The following SYNE1 variants were observed in gnomAD, a reference collection of about 807,000 sequenced individuals.
SYNE1 encodes nesprin-1.
A neutral mutation model predicts 1,111.0 loss-of-function variants in SYNE1; 616 were observed. That is an observed-to-expected ratio of 0.55 (90% CI 0.52 to 0.59). The LOEUF is 0.59. Ranked by LOEUF, SYNE1 falls within the 20% of genes least tolerant of loss-of-function variation. SYNE1 has a pLI of 0.00. For missense variants in SYNE1, 10,006 were observed against 10,417.0 expected (o/e 0.96, Z 1.72); for synonymous variants, 3,855 against 3,825.8 (o/e 1.01, Z -0.28).
chr6:152,602,704 G>C (rs949360957), intron 3 of SYNE1, among the ~76,000 whole-genome samples: 25 of 152,098 alleles, frequency 1.6e-4, no homozygotes, highest in Admixed American at 1.4e-3. Context: ...CAGATTTCTT[G>C]TGATCTGAAA....
At chr6:152,499,197 C>G (rs143837978) in intron 10 of SYNE1, among the ~76,000 whole-genome samples, 2 of 151,918 alleles carry the variant, frequency 1.3e-5, no homozygotes, top group Non-Finnish European at 2.9e-5. Flanking sequence ...CTTCTTAGGG[C>G]AGTCAGGAAT....
At chr6:152,198,433 T>C (rs1199668639) in intron 127 of SYNE1, among the ~76,000 whole-genome samples, 1 of 152,222 alleles carries the variant, frequency 6.6e-6, no homozygotes, top group Non-Finnish European at 1.5e-5. Context: ...TTCTCATCCA[T>C]GCATTCACTG....
At chr6:152,435,651 T>C (rs896061788) in intron 33 of SYNE1, 14 of 438,908 alleles carry the variant, frequency 3.2e-5, no homozygotes, top group African/African-American at 2.9e-4. Flanking sequence ...TTTTTCAAGA[T>C]TCCCTCTACA....
chr6:152,157,302 T>C (rs2061566656), intron 131 of SYNE1, among the ~76,000 whole-genome samples: 1 of 152,218 alleles, frequency 6.6e-6, no homozygotes, highest in Admixed American at 6.5e-5. Context: ...GAGGTCACTA[T>C]GTTAAGTGAA....
chr6:152,430,359 A>T (rs904133881), intron 35 of SYNE1, 123 bp downstream of exon 35: 6 of 1,126,740 alleles, frequency 5.3e-6, no homozygotes, highest in Middle Eastern at 2.0e-4. Flanking sequence ...TAAAATCAAC[A>T]TGTCCCATTA....
chr6:152,133,186 A>G (rs1394829935), intron 143 of SYNE1, 90 bp downstream of exon 143: 4 of 1,197,302 alleles, frequency 3.3e-6, no homozygotes, highest in East Asian at 2.3e-5. Context: ...GACAAGTACT[A>G]TATTTAAAGT....
At chr6:152,357,874 G>A (rs2096864476) in intron 66 of SYNE1, among the ~76,000 whole-genome samples, 1 of 152,074 alleles carries the variant, frequency 6.6e-6, no homozygotes, top group South Asian at 2.1e-4. Flanking sequence ...CGCTGGCCTG[G>A]GCACTAACAC....
chr6:152,274,308 G>A (rs931797007), intron 98 of SYNE1, among the ~76,000 whole-genome samples: 16 of 152,202 alleles, frequency 1.1e-4, no homozygotes, highest in African/African-American at 2.6e-4. Context: ...GAGTTCAAAC[G>A]TCTTTTCATA....
chr6:152,251,685 G>A (rs1588743435), intron 104 of SYNE1, among the ~76,000 whole-genome samples: 2 of 151,690 alleles, frequency 1.3e-5, no homozygotes, highest in Admixed American at 1.3e-4. Flanking sequence ...CGTGAACCTG[G>A]GAGGCGGAGC....
intron 145 of SYNE1, chr6:152,129,028 G>T (rs2054515882): frequency 6.6e-6 from 1 of 152,260 alleles, no homozygotes. Context: ...TGCTCAGAAA[G>T]ATGTTAATGA....
intron 130 of SYNE1, among the ~76,000 whole-genome samples, chr6:152,164,843 C>A (rs2063290066): frequency 6.6e-6 from 1 of 152,118 alleles, no homozygotes; most frequent in South Asian, 2.1e-4. Context: ...AATATGGCCA[C>A]CTAATTGGCA....
At chr6:152,133,599 T>G in intron 142 of SYNE1, 111 bp from the exon 143 acceptor site, 1 of 1,063,372 alleles carries the variant, frequency 9.4e-7, no homozygotes, top group Non-Finnish European at 1.4e-6. Flanking sequence ...TACCTGAGCA[T>G]CAAACGTGGA....
chr6:152,210,778 T>C (rs1407490202), intron 124 of SYNE1, among the ~76,000 whole-genome samples: 1 of 152,192 alleles, frequency 6.6e-6, no homozygotes, highest in Non-Finnish European at 1.5e-5. Flanking sequence ...AATGTAAATA[T>C]AGTATGAAAT....
At chr6:152,144,451 G>A (rs1279130054) in intron 137 of SYNE1, 1 of 153,408 alleles carries the variant, frequency 6.5e-6, no homozygotes, top group African/African-American at 2.5e-5. Flanking sequence ...TCCTCTCAAA[G>A]TTGTAACATT....
chr6:152,231,660 T>C, intron 113 of SYNE1, 93 bp from the exon 114 acceptor site: 1 of 1,322,678 alleles, frequency 7.6e-7, no homozygotes, highest in Non-Finnish European at 1.1e-6. Context: ...AATATTAATA[T>C]TATCACTTCC....
At chr6:152,423,019 T>G (rs1460743068) in intron 39 of SYNE1, among the ~76,000 whole-genome samples, 1 of 152,222 alleles carries the variant, frequency 6.6e-6, no homozygotes, top group Non-Finnish European at 1.5e-5. Context: ...GTAGAGAATC[T>G]GCACTAATGC....
At chr6:152,544,298 C>A (rs11966444) in intron 3 of SYNE1, among the ~76,000 whole-genome samples, 8,084 of 152,142 alleles carry the variant, frequency 0.053, 693 homozygotes, top group African/African-American at 0.18. Context: ...AATTGGTTCA[C>A]ATTCTCCTTC....
At position 152,331,168 on chromosome 6, in the gene SYNE1, T is replaced by C. The variant is rs1361581743; in HGVS notation, c.13517A>G (p.Tyr4506Cys). The C allele has an allele frequency of 6.2e-7, 1 of 1,614,140 alleles. No homozygotes were observed. Among genetic ancestry groups the C allele is most frequent in the Admixed American group, 1.7e-5 (1 of 60,012 alleles). Residue 4506 changes from tyrosine to cysteine, a missense_variant, in exon 78 of 146, where the codon TAC becomes TGC. Tyr to Cys is a radical substitution (Grantham distance 194, BLOSUM62 -2). This residue lies in a region of SYNE1 where 4,955 missense variants were observed against 5,017.2 expected (regional missense o/e 0.99). Transcript: ENST00000367255. The part of the protein sequence containing the change: ...CKSAQASLKT[Y>C]QNEVTGLWAQ... ...CCAAAGTCCAGTGACTTCATTTTGG[T>C]AAGTCTTGAGGCTGGCTTGTGCACT...
chr6:152,466,279 C>T (rs1396156658), intron 16 of SYNE1, among the ~76,000 whole-genome samples: 2 of 152,190 alleles, frequency 1.3e-5, no homozygotes, highest in African/African-American at 2.4e-5. Flanking sequence ...GCTTTTGATT[C>T]TAACCCAGTA....
Sources: allele counts gnomAD v4.1 joint callset (sites outside exome capture counted in the v4.1 genomes callset), GRCh38; gene constraint gnomAD v4.1.1; regional missense constraint gnomAD v4.1.1; transcripts MANE v1.5; gene names NCBI Gene and HGNC (gene_info 2026-07-23, HGNC 2026-07-21).